ZNF138: variants seen among roughly 807,000 people sequenced by gnomAD.
ZNF138 encodes the protein zinc finger protein 138, also known as zinc finger protein 138 (clone pHZ-32).
In ZNF138, 33 loss-of-function variants were observed where a neutral mutation model predicts 33.0. The ratio of observed to expected loss-of-function variants is 1.00; its 90% confidence interval spans 0.76 to 1.34. The LOEUF (loss-of-function observed/expected upper bound fraction) is 1.34. ZNF138 is among the 40% of genes most tolerant of loss of function. The probability of loss-of-function intolerance (pLI) is 0.00; values close to 1 mark genes in which losing one functional copy is unlikely to be tolerated. For missense variants in ZNF138, 360 were observed against 370.8 expected (o/e 0.97, Z 0.24); for synonymous variants, 139 against 120.4 (o/e 1.15, Z -1.01).
At position 64,832,583 on chromosome 7, in the gene ZNF138, C is replaced by A; in HGVS notation, c.*381C>A. 1 of 552,294 alleles carries A rather than the reference C, an allele frequency of 1.8e-6. No homozygotes were observed. The allele number at this position is 552,294 out of a possible 1,614,324, so 34.2% of individuals were successfully genotyped here. On this transcript the variant is annotated 3_prime_UTR_variant, in exon 4 of 4. Transcript: ENST00000307355. ...TAATTCACAGTGGAGAAAAACCCTACAAATGTGAAGAATGTGGCAAAGCTT... is the reference window on the plus strand; with the variant it reads ...TAATTCACAGTGGAGAAAAACCCTAAAAATGTGAAGAATGTGGCAAAGCTT...
At chr7:64,805,669 T>G (rs2128990931) in intron 1 of ZNF138, among the ~76,000 whole-genome samples, 1 of 152,320 alleles carries the variant, frequency 6.6e-6, no homozygotes, top group African/African-American at 2.4e-5. Context: ...GCAGGAGTGC[T>G]GTAGCCCAGT....
At chr7:64,795,324 T>A (rs914486416) in intron 1 of ZNF138, among the ~76,000 whole-genome samples, 3 of 152,144 alleles carry the variant, frequency 2.0e-5, no homozygotes, top group African/African-American at 7.2e-5. Context: ...ACTTAATTAT[T>A]TTCACACTCC....
At chr7:64,805,803 C>T (rs1034837732) in intron 1 of ZNF138, among the ~76,000 whole-genome samples, 1 of 152,226 alleles carries the variant, frequency 6.6e-6, no homozygotes, top group African/African-American at 2.4e-5. Flanking sequence ...AAAATTACCT[C>T]TTGTCATGAA....
At chr7:64,815,263 C>T (rs955162518) in intron 2 of ZNF138, among the ~76,000 whole-genome samples, 1 of 152,016 alleles carries the variant, frequency 6.6e-6, no homozygotes, top group Admixed American at 6.5e-5. Context: ...GATATGTATC[C>T]TTCACTCTAG....
the ZNF138 span, among the ~76,000 whole-genome samples, chr7:64,847,335 T>A: frequency 0.11 from 12,223 of 112,746 alleles, 498 homozygotes; most frequent in Non-Finnish European, 0.13. Context: ...TATATATATT[T>A]TTTTTTTTTT....
At chr7:64,810,281 C>T (rs1165965270) in intron 1 of ZNF138, among the ~76,000 whole-genome samples, 2 of 150,670 alleles carry the variant, frequency 1.3e-5, no homozygotes, top group African/African-American at 4.9e-5. Context: ...CACAGCGAAA[C>T]CCCGTCTCCA....
In ZNF138 at chr7:64,831,933, G is replaced by C. The variant is rs373463490; in HGVS notation, c.691G>C (p.Ala231Pro). Residue 231 changes from alanine (A) to proline (P), a missense_variant, in exon 4 of 4, where the codon GCC becomes CCC. Physicochemically the swap from Ala to Pro is conservative, Grantham distance 27 (BLOSUM62 -1). Transcript: ENST00000307355. ...KPYKCEVCGK[A>P]FHQSSILTKH... ...CTACAAATGTGAAGTATGTGGAAAAGCCTTTCACCAATCCTCAATCCTTAC... is the reference window on the plus strand; with the variant it reads ...CTACAAATGTGAAGTATGTGGAAAACCCTTTCACCAATCCTCAATCCTTAC... 33 of 1,613,398 alleles carry C rather than the reference G, an allele frequency of 2.0e-5. No homozygotes were observed. Among genetic ancestry groups the C allele is most frequent in the Non-Finnish European group, 2.6e-5 (31 of 1,179,760 alleles).
chr7:64,817,192 G>A (rs2129003477), intron 3 of ZNF138, among the ~76,000 whole-genome samples: 1 of 152,326 alleles, frequency 6.6e-6, no homozygotes, highest in East Asian at 1.9e-4. Flanking sequence ...CTGAGTCATT[G>A]AAATGCTTCA....
chr7:64,860,588 A>G, the ZNF138 span, among the ~76,000 whole-genome samples: 1 of 152,208 alleles, frequency 6.6e-6, no homozygotes, highest in African/African-American at 2.4e-5. Flanking sequence ...TAGGCATATA[A>G]ATAAATGGGC....
chr7:64,807,084 G>C (rs1163666326), intron 1 of ZNF138, among the ~76,000 whole-genome samples: 1 of 152,226 alleles, frequency 6.6e-6, no homozygotes, highest in Non-Finnish European at 1.5e-5. Flanking sequence ...GTGACTTAAG[G>C]ACATGCTCCT....
At chr7:64,806,852 CTGTT>C (rs1483214303) in intron 1 of ZNF138, among the ~76,000 whole-genome samples, 1 of 152,214 alleles carries the variant, frequency 6.6e-6, no homozygotes, top group Non-Finnish European at 1.5e-5. Context: ...TCAGCCCACT[CTGTT>C]GTTGGGAACA....
Position 64,794,450 on chromosome 7 carries a change from AG to A in ZNF138, c.-117del. 1 of 1,316,238 alleles carries A rather than the reference AG, an allele frequency of 7.6e-7. No homozygotes were observed. The highest frequency in any genetic ancestry group is 1.3e-5 in the South Asian group (1 of 75,732). 81.5% of individuals were successfully genotyped at this position (1,316,238 alleles called of 1,614,324 possible). On this transcript the variant is annotated 5_prime_UTR_variant, in exon 1 of 4. Coordinates refer to ENST00000307355, the MANE Select transcript of ZNF138 (RefSeq NM_001271639.2). Reference sequence around the variant, plus strand: ...TTTGTCTCGCTGCAGCGGGTGCTGCAGGTCTGGCCTTCACTTTTCTGCGTCC... The same window carrying A: ...TTTGTCTCGCTGCAGCGGGTGCTGCAGTCTGGCCTTCACTTTTCTGCGTCC...
intron 1 of ZNF138, among the ~76,000 whole-genome samples, chr7:64,812,162 G>GTTT (rs60036934): frequency 2.1e-5 from 3 of 141,766 alleles, no homozygotes; most frequent in Admixed American, 7.0e-5. Flanking sequence ...AGTTAAGTGG[G>GTTT]TTTTTTTTTT....
chr7:64,835,595 C>G (rs1329111151), downstream of ZNF138: 2 of 151,796 alleles, frequency 1.3e-5, no homozygotes, highest in Non-Finnish European at 2.9e-5. Flanking sequence ...TTGGTCTCAA[C>G]TACCCCTGAC....
chr7:64,846,569 G>A, the ZNF138 span, among the ~76,000 whole-genome samples: 4 of 152,156 alleles, frequency 2.6e-5, no homozygotes, highest in Non-Finnish European at 5.9e-5. Context: ...CAGCTTGGTT[G>A]CTGTTGGTAT....
At chr7:64,815,710 G>A (rs926866395) in intron 3 of ZNF138, 57 bp downstream of exon 3, 1 of 1,489,724 alleles carries the variant, frequency 6.7e-7, no homozygotes, top group Non-Finnish European at 9.2e-7. Context: ...CCAAGGAGAA[G>A]ACCACTCCTT....
intron 1 of ZNF138, among the ~76,000 whole-genome samples, chr7:64,809,186 C>T (rs1486056355): frequency 2.4e-5 from 1 of 41,728 alleles, no homozygotes; most frequent in African/African-American, 8.8e-5. Context: ...CCTCACCTCC[C>T]GGGTGGGGCA....
the ZNF138 span, among the ~76,000 whole-genome samples, chr7:64,859,439 A>G: frequency 6.6e-6 from 1 of 152,202 alleles, no homozygotes; most frequent in East Asian, 1.9e-4. Flanking sequence ...GACTCAAACA[A>G]TTCTCAAAAA....
At chr7:64,831,329 C>T in intron 3 of ZNF138, 122 bp from the exon 4 acceptor site, 5 of 977,320 alleles carry the variant, frequency 5.1e-6, no homozygotes, top group Non-Finnish European at 7.6e-6. Context: ...GAATTAGAAC[C>T]TGTGGTATTT....
Sources: gnomAD v4.1 joint callset for allele counts (sites outside exome capture counted in the v4.1 genomes callset) on GRCh38, gnomAD v4.1.1 for gene constraint, MANE v1.5 for transcripts, NCBI Gene and HGNC (gene_info 2026-07-23, HGNC 2026-07-21) for gene names.